The following ADAMTS12 variants were observed in gnomAD, a reference collection of about 807,000 sequenced individuals.
ADAMTS12 encodes the protein ADAM metallopeptidase with thrombospondin type 1 motif 12.
Under a neutral mutation model 167.8 loss-of-function variants are expected in ADAMTS12, and 118 were observed. The observed-to-expected ratio is 0.70, with a 90% CI of 0.61 to 0.82. ADAMTS12 has a LOEUF of 0.82. ADAMTS12 is among the 40% of genes least tolerant of loss of function. The pLI, the probability that ADAMTS12 is intolerant of heterozygous loss-of-function variation, is 0.00. For missense variants in ADAMTS12, 1,916 were observed against 1,998.8 expected (o/e 0.96, Z 0.79); for synonymous variants, 704 against 716.9 (o/e 0.98, Z 0.29).
intron 2 of ADAMTS12, among the ~76,000 whole-genome samples, chr5:33,825,580 G>C (rs762875091): frequency 6.6e-6 from 1 of 152,184 alleles, no homozygotes; most frequent in Non-Finnish European, 1.5e-5. Flanking sequence ...AAGCATATGA[G>C]TCTCTTAACT....
rs1228652772 is a variant in ADAMTS12, at chr5:33,885,468, CAAAATAA to C, written c.128-3995_128-3989del. Among the ~76,000 whole-genome samples, 4 of 151,742 alleles carry C rather than the reference CAAAATAA, an allele frequency of 2.6e-5. No homozygotes were observed. The East Asian group carries it at 5.8e-4, about 22-fold the overall frequency. Reference sequence around the variant, plus strand: ...TGGGCAACAGAGTAAGACTCCGTCTCAAAATAAAAAATAAAAAATAATAAAAAAAAAT... The same window carrying C: ...TGGGCAACAGAGTAAGACTCCGTCTCAAAATAAAAAATAATAAAAAAAAAT... On this transcript the variant is annotated intron_variant, in intron 1 of 23. Transcript: ENST00000504830.
chr5:33,563,641 A>G (rs1261006986), intron 19 of ADAMTS12, among the ~76,000 whole-genome samples: 1 of 152,178 alleles, frequency 6.6e-6, no homozygotes, highest in African/African-American at 2.4e-5. Context: ...ATTTTACACG[A>G]CCACACAGTT....
At chr5:33,732,419 A>C (rs1744225962) in intron 3 of ADAMTS12, among the ~76,000 whole-genome samples, 1 of 152,226 alleles carries the variant, frequency 6.6e-6, no homozygotes, top group South Asian at 2.1e-4. Flanking sequence ...CAAAGATGTT[A>C]CATACTTAAT....
At chr5:33,602,281 A>T (rs776288018) in intron 16 of ADAMTS12, among the ~76,000 whole-genome samples, 24 of 152,356 alleles carry the variant, frequency 1.6e-4, no homozygotes, top group Non-Finnish European at 1.0e-4. Flanking sequence ...AGCCACTCTG[A>T]TTAAGGATTC....
intron 17 of ADAMTS12, among the ~76,000 whole-genome samples, chr5:33,595,428 C>T (rs1188871553): frequency 1.3e-5 from 2 of 152,160 alleles, no homozygotes; most frequent in African/African-American, 4.8e-5. Flanking sequence ...GCTGCTAAGC[C>T]TCCTGCAATT....
intron 2 of ADAMTS12, among the ~76,000 whole-genome samples, chr5:33,828,378 T>A (rs1030365301): frequency 2.6e-5 from 4 of 152,220 alleles, no homozygotes; most frequent in Non-Finnish European, 5.9e-5. Context: ...ATCTCCCATC[T>A]TCTTATTTAT....
intron 14 of ADAMTS12, among the ~76,000 whole-genome samples, chr5:33,620,892 T>C (rs759124720): frequency 2.9e-4 from 44 of 152,370 alleles, no homozygotes; most frequent in Non-Finnish European, 1.3e-4. Flanking sequence ...TGGACTCATT[T>C]GGTTCGACCC....
At chr5:33,632,484 C>T (rs901339553) in intron 12 of ADAMTS12, among the ~76,000 whole-genome samples, 2 of 152,160 alleles carry the variant, frequency 1.3e-5, no homozygotes, top group Admixed American at 1.3e-4. Flanking sequence ...ATATAAGGTG[C>T]AGTGGATAAG....
chr5:33,772,835 C>T (rs907809478), intron 2 of ADAMTS12, among the ~76,000 whole-genome samples: 3 of 152,140 alleles, frequency 2.0e-5, no homozygotes, highest in Admixed American at 6.5e-5. Context: ...AAGGCTTGGA[C>T]CCTGCCTTCT....
At chr5:33,834,978 G>A (rs1053298185) in intron 2 of ADAMTS12, among the ~76,000 whole-genome samples, 24 of 152,124 alleles carry the variant, frequency 1.6e-4, no homozygotes, top group East Asian at 9.6e-4. Context: ...TCACTTGACC[G>A]TGTGGCAACA....
intron 2 of ADAMTS12, among the ~76,000 whole-genome samples, chr5:33,819,757 C>A (rs1325240375): frequency 6.6e-6 from 1 of 152,022 alleles, no homozygotes; most frequent in Non-Finnish European, 1.5e-5. Flanking sequence ...GACTAAGGAG[C>A]CATCTCATCT....
At chr5:33,738,307 A>ATT (rs11430099) in intron 3 of ADAMTS12, among the ~76,000 whole-genome samples, 74 of 150,146 alleles carry the variant, frequency 4.9e-4, no homozygotes, top group Non-Finnish European at 8.0e-4. Flanking sequence ...CTGCCCTTTG[A>ATT]TTTTTTTTTT....
At chr5:33,616,262 C>T (rs1434242237) in intron 14 of ADAMTS12, among the ~76,000 whole-genome samples, 190 bp from the exon 15 acceptor site, 1 of 152,198 alleles carries the variant, frequency 6.6e-6, no homozygotes, top group African/African-American at 2.4e-5. Flanking sequence ...ACAGAATTCT[C>T]AGGAGTTTTG....
At chr5:33,881,564 C>CTTCT in intron 1 of ADAMTS12, 84 bp from the exon 2 acceptor site, 1 of 1,254,132 alleles carries the variant, frequency 8.0e-7, no homozygotes, top group Non-Finnish European at 1.1e-6. Flanking sequence ...TGAATGCTAG[C>CTTCT]TTTTTTTTTT....
chr5:33,858,657 C>CAA (rs35005089), intron 2 of ADAMTS12, among the ~76,000 whole-genome samples: 24 of 80,978 alleles, frequency 3.0e-4, no homozygotes, highest in African/African-American at 7.8e-4. Context: ...GACATCATCT[C>CAA]AAAAAAAAAA....
intron 18 of ADAMTS12, among the ~76,000 whole-genome samples, chr5:33,584,343 T>G (rs1717307878): frequency 2.6e-5 from 4 of 152,190 alleles, no homozygotes; most frequent in Admixed American, 2.6e-4. Flanking sequence ...CTTTTGTTTT[T>G]ATAGATGCAA....
At chr5:33,612,386 C>T (rs1738770505) in intron 16 of ADAMTS12, among the ~76,000 whole-genome samples, 1 of 152,186 alleles carries the variant, frequency 6.6e-6, no homozygotes, top group Non-Finnish European at 1.5e-5. Context: ...TCACTGCACA[C>T]ATCAGCCACT....
intron 3 of ADAMTS12, 186 bp downstream of exon 3, chr5:33,751,218 C>A: frequency 1.4e-6 from 1 of 727,168 alleles, no homozygotes. Flanking sequence ...AGGGTTTATA[C>A]AAGCAAAAAG....
At chr5:33,765,471 C>T (rs1488519322) in intron 2 of ADAMTS12, among the ~76,000 whole-genome samples, 30 of 152,136 alleles carry the variant, frequency 2.0e-4, no homozygotes, top group Admixed American at 5.2e-4. Context: ...CATCTGGATA[C>T]AAGTTTTTAA....
Sources: gnomAD v4.1 joint callset for allele counts (sites outside exome capture counted in the v4.1 genomes callset) on GRCh38, gnomAD v4.1.1 for gene constraint, MANE v1.5 for transcripts, NCBI Gene and HGNC (gene_info 2026-07-23, HGNC 2026-07-21) for gene names.